Variants in FEZ2 observed in about 807,000 individuals in gnomAD.
The protein encoded by FEZ2 is fasciculation and elongation protein zeta 2.
FEZ2 carries 51 observed loss-of-function variants against 40.4 expected under a neutral mutation model. That is an observed-to-expected ratio of 1.26 (90% confidence interval 1.01 to 1.59). The LOEUF is 1.59. FEZ2 is among the 40% of genes most tolerant of loss of function. The pLI is 0.00. For synonymous variants in FEZ2, 242 were observed against 172.0 expected, an observed-to-expected ratio of 1.41 and a Z score of -3.18; for missense variants, 640 against 438.3, an observed-to-expected ratio of 1.46 and a Z score of -4.11.
Position 36,552,976 on chromosome 2 carries a change from A to C in FEZ2, c.*187T>G, listed in dbSNP as rs747479386. ...ACAAAAACCATCTCTAGAATTCAAA[A>C]TAGTGCCCATATTTCCGTTGGTTCT... On this transcript the variant is annotated 3_prime_UTR_variant, in exon 8 of 8. Coordinates refer to ENST00000405912, the MANE Select transcript of FEZ2 (RefSeq NM_005102.3). 5.6e-6 allele frequency: 3 copies of C among 538,592 alleles called. No individual in the cohort carries two copies. Among genetic ancestry groups the C allele is most frequent in the Admixed American group, 6.9e-5 (2 of 28,786 alleles). 33.4% of individuals were successfully genotyped at this position (538,592 alleles called of 1,614,324 possible).
intron 5 of FEZ2, among the ~76,000 whole-genome samples, chr2:36,570,271 G>C (rs912596436): frequency 1.3e-5 from 2 of 151,736 alleles, no homozygotes; most frequent in Non-Finnish European, 2.9e-5. Flanking sequence ...TTATACCAAA[G>C]CAGATACACA....
At chr2:36,580,189 T>A (rs1005774944) in intron 4 of FEZ2, among the ~76,000 whole-genome samples, 1 of 152,230 alleles carries the variant, frequency 6.6e-6, no homozygotes, top group Non-Finnish European at 1.5e-5. Flanking sequence ...ATACAGATTT[T>A]AGTATCTGTA....
intron 2 of FEZ2, 93 bp downstream of exon 2, chr2:36,590,810 G>A (rs1157026987): frequency 3.7e-5 from 28 of 766,742 alleles, no homozygotes; most frequent in Admixed American, 4.4e-5. Context: ...TGAGAGGCAG[G>A]TCAGTGAATC....
At chr2:36,584,289 G>C (rs1003399625) in intron 2 of FEZ2, among the ~76,000 whole-genome samples, 1 of 152,190 alleles carries the variant, frequency 6.6e-6, no homozygotes, top group Non-Finnish European at 1.5e-5. Flanking sequence ...AATCTCAACA[G>C]TTTATGGTAA....
In FEZ2 at chr2:36,553,141, C is replaced by G. The variant is rs941509308; in HGVS notation, c.*22G>C. The G allele has an allele frequency of 3.8e-6, 6 of 1,563,118 alleles. No homozygotes were observed. In the Admixed American group the frequency reaches 9.4e-5, roughly 24 times the overall value. On this transcript the variant is annotated 3_prime_UTR_variant, in exon 8 of 8. Transcript: ENST00000405912. ...GCTGTCGGAAATCTAGCTTGGAGCC[C>G]ACCGCAGATAAAGTTGCTGCTCTAT...
intron 5 of FEZ2, among the ~76,000 whole-genome samples, chr2:36,566,106 T>G (rs756533185): frequency 5.3e-5 from 8 of 152,174 alleles, no homozygotes; most frequent in Non-Finnish European, 1.2e-4. Flanking sequence ...AATGTTTGCC[T>G]AATAGTAGTA....
chr2:36,584,639 G>A (rs888484386), intron 2 of FEZ2, among the ~76,000 whole-genome samples: 4 of 152,176 alleles, frequency 2.6e-5, no homozygotes, highest in African/African-American at 9.7e-5. Context: ...GATTACGTAA[G>A]AAGCCACCAT....
At chr2:36,592,211 T>C (rs1160807491) in intron 1 of FEZ2, among the ~76,000 whole-genome samples, 1 of 152,202 alleles carries the variant, frequency 6.6e-6, no homozygotes, top group Non-Finnish European at 1.5e-5. Flanking sequence ...ATAGGCTTTC[T>C]TTCCAAGTGT....
chr2:36,591,127 G>C (rs558163240), intron 1 of FEZ2, 116 bp from the exon 2 acceptor site: 24 of 681,324 alleles, frequency 3.5e-5, no homozygotes, highest in Admixed American at 2.7e-4. Context: ...AAAACAGACA[G>C]CACATTGTTT....
intron 5 of FEZ2, chr2:36,559,002 A>T (rs1445247727): frequency 6.6e-6 from 1 of 152,244 alleles, no homozygotes; most frequent in Admixed American, 6.5e-5. Context: ...ATAACATGAC[A>T]ACTTTGAAAA....
rs376913593 is a variant in FEZ2, at chr2:36,567,739, G to A, written c.904-9226C>T. ...ATCGCACCATTGCACTCCAGCCTGGGCAATAGAGCGAGACTCTGTCTCAAA... is the reference window on the plus strand; with the variant it reads ...ATCGCACCATTGCACTCCAGCCTGGACAATAGAGCGAGACTCTGTCTCAAA... On this transcript the variant is annotated intron_variant, in intron 5 of 7. Transcript: ENST00000405912. Among the ~76,000 whole-genome samples, 275 of 151,114 alleles carry A rather than the reference G, an allele frequency of 1.8e-3. 2 individuals are homozygous for A. Among genetic ancestry groups the A allele is most frequent in the African/African-American group, 6.5e-3 (268 of 41,024 alleles).
Position 36,578,622 on chromosome 2 carries a change from T to C in FEZ2, c.878A>G (p.Asn293Ser). The C allele has an allele frequency of 6.2e-7, 1 of 1,613,086 alleles. No homozygotes were observed. Among genetic ancestry groups the C allele is most frequent in the Non-Finnish European group, 8.5e-7 (1 of 1,179,724 alleles). Residue 293 changes from asparagine (N) to serine (S), a missense_variant, in exon 5 of 8, where the codon AAT (asparagine) becomes AGT (serine). By Grantham distance (46) the Asn-to-Ser change is conservative (BLOSUM62 1). Transcript: ENST00000405912. Reference protein sequence around the residue: ...LKNGSSQNGKNERSHMPGTYL... With the variant: ...LKNGSSQNGKSERSHMPGTYL... ...TGTGCCGGGCATATGACTTCTCTCA[T>C]TCTTCCCATTCTGAGAGCTGCCATT... is the stretch of plus-strand genomic sequence containing the variant.
intron 1 of FEZ2, chr2:36,591,236 T>A (rs990743064): frequency 2.2e-4 from 118 of 539,148 alleles, no homozygotes; most frequent in Non-Finnish European, 3.5e-4. Context: ...GGTGAAGCCG[T>A]ACAGAAAACT....
Position 36,578,651 on chromosome 2 carries a change from T to A in FEZ2, c.849A>T (p.Leu283=), listed in dbSNP as rs768259536. ...TCCCATTCTGAGAGCTGCCATTTTT[T>A]AGTTTCTTTTTCTTTTTTGCTGTTT... is the stretch of plus-strand genomic sequence containing the variant. ...HKETAKKKKK[L]KNGSSQNGKN... Residue 283 remains leucine, a synonymous_variant, in exon 5 of 8, where the codon CTA becomes CTT. Coordinates refer to ENST00000405912, the MANE Select transcript of FEZ2 (RefSeq NM_005102.3). The A allele has an allele frequency of 1.2e-6, 2 of 1,613,678 alleles. No homozygotes were observed. The highest frequency in any genetic ancestry group is 1.7e-6 in the Non-Finnish European group (2 of 1,179,830).
At chr2:36,555,398 T>C in intron 7 of FEZ2, 1 of 238,670 alleles carries the variant, frequency 4.2e-6, no homozygotes, top group Admixed American at 5.4e-5. Flanking sequence ...ACCCACATGA[T>C]TATGGTGCCA....
intron 1 of FEZ2, 90 bp from the exon 2 acceptor site, chr2:36,591,101 T>G (rs1464624634): frequency 1.2e-6 from 1 of 800,498 alleles, no homozygotes; most frequent in African/African-American, 1.7e-5. Flanking sequence ...ACAGCAAATG[T>G]CAAAGGAAAC....
In FEZ2 at chr2:36,573,603, T is replaced by C. The variant is rs145422688; in HGVS notation, c.903+4994A>G. On this transcript the variant is annotated intron_variant, in intron 5 of 7. Coordinates refer to ENST00000405912, the MANE Select transcript of FEZ2 (RefSeq NM_005102.3). ...GCGAAGAACAAGAAATTAGGTGAGG[T>C]GCTGGGAAAGCAGTGTGAATGAGCC... 2.4e-3 allele frequency among the ~76,000 whole-genome samples: 365 copies of C among 152,344 alleles called. 4 individuals are homozygous for C. The highest frequency in any genetic ancestry group is 8.4e-3 in the African/African-American group (351 of 41,582).
Position 36,589,106 on chromosome 2 carries a change from G to A in FEZ2, c.375+1797C>T, listed in dbSNP as rs542405692. 5.9e-5 allele frequency among the ~76,000 whole-genome samples: 9 copies of A among 152,158 alleles called. No individual in the cohort carries two copies. In the South Asian group the frequency reaches 1.9e-3, roughly 32 times the overall value. ...TATTCACTTATTCACTCAATAAAAA[G>A]GTATCTTCAAACTTACTATGTGCCA... On this transcript the variant is annotated intron_variant, in intron 2 of 7. Transcript: ENST00000405912.
chr2:36,558,203 CATAA>C (rs1336559496), intron 6 of FEZ2: 2 of 314,436 alleles, frequency 6.4e-6, no homozygotes, highest in African/African-American at 4.3e-5. Flanking sequence ...AATTTTAGCT[CATAA>C]ATATTTCACA....
Sources: allele counts gnomAD v4.1 joint callset (sites outside exome capture counted in the v4.1 genomes callset), GRCh38; gene constraint gnomAD v4.1.1; transcripts MANE v1.5; gene names NCBI Gene and HGNC (gene_info 2026-07-23, HGNC 2026-07-21).